The following TRMT11 variants were observed in gnomAD, a reference collection of about 807,000 sequenced individuals.
TRMT11 encodes tRNA methyltransferase 11.
TRMT11 carries 53 observed loss-of-function variants against 62.8 expected under a neutral mutation model. The observed-to-expected ratio is 0.84, with a 90% CI of 0.68 to 1.06. The LOEUF is 1.06. Among genes scored for constraint, TRMT11 ranks in the 50% least tolerant of loss-of-function variants. The pLI is 0.00. For missense variants in TRMT11, 556 were observed against 553.4 expected (o/e 1.00, Z -0.05); for synonymous variants, 188 against 190.3 (o/e 0.99, Z 0.10).
chr6:126,258,944 T>C, the TRMT11 span, among the ~76,000 whole-genome samples: 132 of 152,278 alleles, frequency 8.7e-4, no homozygotes, highest in African/African-American at 2.8e-3. Flanking sequence ...TAGTACTCAA[T>C]AGCTATTTTT....
At chr6:126,006,266 A>G (rs1583680149) in intron 7 of TRMT11, among the ~76,000 whole-genome samples, 1 of 152,146 alleles carries the variant, frequency 6.6e-6, no homozygotes, top group Non-Finnish European at 1.5e-5. Flanking sequence ...AAGATAAAAT[A>G]GATGCAATAA....
chr6:126,012,807 G>C lies in TRMT11; in HGVS notation c.962G>C (p.Gly321Ala), dbSNP rs752808885. ...YGIRESTRRTGSQKEIPKGIE... is the reference protein window; with the variant it reads ...YGIRESTRRTASQKEIPKGIE... ...ATCAGAGAATCTACAAGAAGAACAG[G>C]TTCACAGAAGGAGATACCAAAGGGG... The change falls in exon 10 of 13, where the codon GGT becomes GCT. Residue 321 changes from glycine (G) to alanine (A), a missense_variant. By Grantham distance (60) the Gly-to-Ala change is moderately conservative. Transcript: ENST00000334379. The C allele has an allele frequency of 8.7e-6, 14 of 1,613,720 alleles. No individual in the cohort carries two copies. Among genetic ancestry groups the C allele is most frequent in the Non-Finnish European group, 1.2e-5 (14 of 1,179,696 alleles).
intron 21 of TRMT11, among the ~76,000 whole-genome samples, chr6:126,158,890 C>T (rs959644449): frequency 3.9e-5 from 6 of 152,168 alleles, no homozygotes; most frequent in South Asian, 2.1e-4. Context: ...TCAGCTACCA[C>T]GTGGCATCTT....
chr6:126,027,845 C>T (rs1031790564), intron 12 of TRMT11, among the ~76,000 whole-genome samples: 6 of 152,022 alleles, frequency 3.9e-5, no homozygotes, highest in Non-Finnish European at 8.8e-5. Flanking sequence ...GATTTTGAAG[C>T]TATGAAGTAC....
chr6:126,043,717 T>C (rs1219741335), downstream of TRMT11, among the ~76,000 whole-genome samples: 2 of 151,284 alleles, frequency 1.3e-5, no homozygotes, highest in African/African-American at 2.4e-5. Context: ...CAGCACCTGT[T>C]GTTTCCTGAC....
intron 1 of TRMT11, among the ~76,000 whole-genome samples, chr6:126,186,523 T>C (rs1365472667): frequency 1.3e-5 from 2 of 152,180 alleles, no homozygotes; most frequent in Non-Finnish European, 2.9e-5. Context: ...GGTTGCATCT[T>C]TCAGGTGACT....
intron 21 of TRMT11, among the ~76,000 whole-genome samples, chr6:126,166,701 C>G (rs1778270733): frequency 6.6e-6 from 1 of 152,204 alleles, no homozygotes; most frequent in African/African-American, 2.4e-5. Flanking sequence ...TCTGCTGAAG[C>G]TGCACCCAGA....
intron 17 of TRMT11, among the ~76,000 whole-genome samples, chr6:126,076,129 AG>A (rs1777016339): frequency 6.8e-6 from 1 of 146,572 alleles, no homozygotes; most frequent in Admixed American, 6.8e-5. Flanking sequence ...GGTGGGAGGT[AG>A]GGAGAAACAG....
chr6:126,073,274 G>C (rs1202454967), intron 17 of TRMT11, among the ~76,000 whole-genome samples: 3 of 152,126 alleles, frequency 2.0e-5, no homozygotes, highest in African/African-American at 7.2e-5. Flanking sequence ...CTGAGCCCAG[G>C]AGAATGAGTG....
At chr6:126,002,471 A>C (rs1329024749) in intron 7 of TRMT11, among the ~76,000 whole-genome samples, 1 of 152,046 alleles carries the variant, frequency 6.6e-6, no homozygotes, top group African/African-American at 2.4e-5. Flanking sequence ...TGTTTTGCTT[A>C]TGCCACTTAA....
downstream of TRMT11, among the ~76,000 whole-genome samples, chr6:126,041,898 C>A (rs181302423): frequency 2.9e-3 from 443 of 152,206 alleles, 3 homozygotes; most frequent in Middle Eastern, 6.8e-3. Context: ...TTGCAAGAAT[C>A]TTTGTTCTTA....
At chr6:126,051,073 G>A (rs575201143) in intron 16 of TRMT11, among the ~76,000 whole-genome samples, 6 of 152,186 alleles carry the variant, frequency 3.9e-5, no homozygotes, top group Admixed American at 6.5e-5. Context: ...TCCAAGAGGA[G>A]GTGTTTCCTG....
intron 16 of TRMT11, among the ~76,000 whole-genome samples, chr6:126,050,145 A>G (rs946174876): frequency 1.3e-5 from 2 of 151,980 alleles, no homozygotes; most frequent in Non-Finnish European, 2.9e-5. Flanking sequence ...CCTGGCTAAC[A>G]TGATGAAACA....
the TRMT11 span, among the ~76,000 whole-genome samples, chr6:126,224,858 A>T: frequency 6.6e-6 from 1 of 152,224 alleles, no homozygotes; most frequent in South Asian, 2.1e-4. Flanking sequence ...TGGAGGCTGC[A>T]GGCAAGTGCG....
intron 17 of TRMT11, among the ~76,000 whole-genome samples, chr6:126,090,907 T>C (rs1050396709): frequency 1.3e-5 from 2 of 152,198 alleles, no homozygotes; most frequent in African/African-American, 2.4e-5. Context: ...TTGGGGCATC[T>C]TGTTAAATTA....
chr6:126,048,319 G>A (rs1254658387), intron 16 of TRMT11, among the ~76,000 whole-genome samples: 4 of 152,170 alleles, frequency 2.6e-5, no homozygotes, highest in Non-Finnish European at 1.5e-5. Flanking sequence ...TAGAATTCAA[G>A]GCCATTCTCA....
At chr6:126,173,888 C>T (rs1192730138), upstream of TRMT11, among the ~76,000 whole-genome samples, 1 of 152,098 alleles carries the variant, frequency 6.6e-6, no homozygotes, top group African/African-American at 2.4e-5. Context: ...CTTTCTCTGC[C>T]CCAGGAGAAT....
chr6:126,145,504 T>C (rs573646352), intron 21 of TRMT11, among the ~76,000 whole-genome samples: 104 of 152,250 alleles, frequency 6.8e-4, no homozygotes, highest in African/African-American at 2.5e-3. Flanking sequence ...AGGCACCCAG[T>C]GGAGAAAAGA....
intron 16 of TRMT11, among the ~76,000 whole-genome samples, chr6:126,046,035 G>A (rs1776047702): frequency 6.6e-6 from 1 of 152,056 alleles, no homozygotes; most frequent in South Asian, 2.1e-4. Context: ...TTACTGCCCT[G>A]AATTGAGTTT....
Sources: gnomAD v4.1 joint callset for allele counts (sites outside exome capture counted in the v4.1 genomes callset) on GRCh38, gnomAD v4.1.1 for gene constraint, MANE v1.5 for transcripts, NCBI Gene and HGNC (gene_info 2026-07-23, HGNC 2026-07-21) for gene names.